Variants in MAP7 observed in about 807,000 individuals in gnomAD.
The protein encoded by MAP7 is microtubule associated protein 7, also known as ensconsin.
Under a neutral mutation model 94.8 loss-of-function variants are expected in MAP7, and 52 were observed. That is an observed-to-expected ratio of 0.55 (90% confidence interval 0.44 to 0.69). The LOEUF (loss-of-function observed/expected upper bound fraction) is 0.69, where lower values mean the gene tolerates loss of function less well. MAP7 is among the 30% of genes least tolerant of loss of function. MAP7 has a pLI of 0.00. For synonymous variants in MAP7, 350 were observed against 357.0 expected, an observed-to-expected ratio of 0.98 and a Z score of 0.22; for missense variants, 940 against 964.6, an observed-to-expected ratio of 0.97 and a Z score of 0.34.
intron 9 of MAP7, 43 bp from the exon 10 acceptor site, chr6:136,366,061 G>C (rs1794231610): frequency 1.9e-6 from 3 of 1,575,456 alleles, no homozygotes; most frequent in South Asian, 1.2e-5. Flanking sequence ...GGACACATGA[G>C]AACAGGCTTG....
intron 1 of MAP7, among the ~76,000 whole-genome samples, chr6:136,448,625 GGAT>G (rs1312812450): frequency 6.6e-6 from 1 of 151,896 alleles, no homozygotes; most frequent in African/African-American, 2.4e-5. Flanking sequence ...ATGTTGGGCA[GGAT>G]GGTCTCGATC....
chr6:136,363,772 T>C (rs1292417456), intron 10 of MAP7, among the ~76,000 whole-genome samples: 3 of 152,206 alleles, frequency 2.0e-5, no homozygotes, highest in Non-Finnish European at 4.4e-5. Context: ...ACACAGGCTA[T>C]ACCAGGGGTC....
chr6:136,510,260 G>A (rs1042254591), intron 1 of MAP7, among the ~76,000 whole-genome samples: 2 of 152,122 alleles, frequency 1.3e-5, no homozygotes, highest in African/African-American at 4.8e-5. Context: ...AGCAAATTGG[G>A]CTCAGCTGAT....
At chr6:136,417,443 G>A (rs189597740) in intron 2 of MAP7, among the ~76,000 whole-genome samples, 2 of 152,256 alleles carry the variant, frequency 1.3e-5, no homozygotes, top group African/African-American at 4.8e-5. Context: ...AGTTGACAAG[G>A]CTTTTTCAAG....
At chr6:136,394,717 TC>T (rs1278660719) in intron 3 of MAP7, among the ~76,000 whole-genome samples, 1 of 149,646 alleles carries the variant, frequency 6.7e-6, no homozygotes. Flanking sequence ...CTCTTTAACC[TC>T]CCCCCCACCT....
In MAP7 at chr6:136,411,341, G is replaced by A. The variant is rs147361414; in HGVS notation, c.244+279C>T. Among the ~76,000 whole-genome samples the A allele has an allele frequency of 1.1e-3, 173 of 152,172 alleles. 2 individuals carry two copies. The highest frequency in any genetic ancestry group is 4.0e-3 in the African/African-American group (164 of 41,514). On this transcript the variant is annotated intron_variant, in intron 3 of 17. Coordinates refer to ENST00000354570, the MANE Select transcript of MAP7 (RefSeq NM_003980.6). Reference sequence around the variant, plus strand: ...AAAGAACAATATGTTTACTGTCCTCGCATTTTCTCAGTAGTAAAATGTAAG... The same window carrying A: ...AAAGAACAATATGTTTACTGTCCTCACATTTTCTCAGTAGTAAAATGTAAG...
At chr6:136,517,248 G>A (rs78716785) in intron 1 of MAP7, among the ~76,000 whole-genome samples, 243 of 152,320 alleles carry the variant, frequency 1.6e-3, no homozygotes, top group Non-Finnish European at 2.6e-3. Flanking sequence ...CAAAGATCCA[G>A]TCACATATGC....
chr6:136,550,200 C>T lies in MAP7; in HGVS notation c.67+142G>A, dbSNP rs1830040175. On this transcript the variant is annotated intron_variant, in intron 1 of 17. Transcript: ENST00000354570. The surrounding 1 kb of genome is among the most constrained non-coding windows in gnomAD (Gnocchi z 5.1). ...GGCGCTCTCGGAGCAGGGTGCGCGGCGCGCAGGGCCGGTTGTTCCGGGCCG... is the reference window on the plus strand; with the variant it reads ...GGCGCTCTCGGAGCAGGGTGCGCGGTGCGCAGGGCCGGTTGTTCCGGGCCG... 4 of 532,562 alleles carry T rather than the reference C, an allele frequency of 7.5e-6. No individual in the cohort carries two copies. The highest frequency in any genetic ancestry group is 7.9e-6 in the Non-Finnish European group (3 of 379,030). 33.0% of individuals were successfully genotyped at this position (532,562 alleles called of 1,614,324 possible). A position where few individuals can be genotyped will look rare whatever the true frequency, so the allele number is the denominator to read the frequency against.
At chr6:136,466,059 T>G (rs1031262567) in intron 1 of MAP7, among the ~76,000 whole-genome samples, 1 of 152,148 alleles carries the variant, frequency 6.6e-6, no homozygotes, top group African/African-American at 2.4e-5. Flanking sequence ...TCTATAAAGT[T>G]CCAATGCTTG....
At position 136,538,659 on chromosome 6, in the gene MAP7, C is replaced by T. The variant is rs139289301; in HGVS notation, c.67+11683G>A. 5.4e-4 allele frequency among the ~76,000 whole-genome samples: 82 copies of T among 151,904 alleles called. 2 individuals carry two copies. The East Asian group carries it at 0.011, about 21-fold the overall frequency. On this transcript the variant is annotated intron_variant, in intron 1 of 17. Transcript: ENST00000354570. ...AATTAGCTGGTGCTAGGAATAGTGG[C>T]GTGTACCTGTAGTCCCAGCTACCTC...
intron 1 of MAP7, among the ~76,000 whole-genome samples, chr6:136,510,465 G>A (rs1822929613): frequency 6.6e-6 from 1 of 152,108 alleles, no homozygotes; most frequent in Non-Finnish European, 1.5e-5. Context: ...ACCAGTGAGT[G>A]GGAAGGAGGA....
chr6:136,454,851 A>G (rs1802386785), intron 1 of MAP7, among the ~76,000 whole-genome samples: 1 of 152,010 alleles, frequency 6.6e-6, no homozygotes, highest in South Asian at 2.1e-4. Flanking sequence ...GAGAGCTATG[A>G]TCATGCCACT....
At chr6:136,484,667 C>G (rs967662724) in intron 1 of MAP7, among the ~76,000 whole-genome samples, 1 of 152,128 alleles carries the variant, frequency 6.6e-6, no homozygotes, top group African/African-American at 2.4e-5. Flanking sequence ...ATTGCTTAAA[C>G]TGTGATTAAT....
intron 10 of MAP7, among the ~76,000 whole-genome samples, 185 bp downstream of exon 10, chr6:136,365,550 T>TA (rs968851292): frequency 2.0e-5 from 3 of 152,030 alleles, no homozygotes; most frequent in Admixed American, 1.3e-4. Context: ...CGTTGCTAAG[T>TA]AAAAAACTAT....
chr6:136,489,526 C>CTTTTTTTTTTTT, intron 1 of MAP7, among the ~76,000 whole-genome samples: 1 of 102,988 alleles, frequency 9.7e-6, no homozygotes, highest in Non-Finnish European at 2.0e-5. Context: ...CATCAGGTTT[C>CTTTTTTTTTTTT]TTTTTTTTTT....
At chr6:136,495,393 T>A (rs943076816) in intron 1 of MAP7, among the ~76,000 whole-genome samples, 3 of 152,036 alleles carry the variant, frequency 2.0e-5, no homozygotes, top group Non-Finnish European at 2.9e-5. Context: ...AACTCTAGTC[T>A]TCCAGATTCT....
At chr6:136,533,311 A>G (rs562658959) in intron 1 of MAP7, among the ~76,000 whole-genome samples, 1 of 152,266 alleles carries the variant, frequency 6.6e-6, no homozygotes, top group South Asian at 2.1e-4. Flanking sequence ...GATGAATAAG[A>G]GAGTTTTCCC....
chr6:136,417,255 T>C lies in MAP7; in HGVS notation c.166+4446A>G, dbSNP rs181061792. ...AACTTAGGCTTAATTAAGATTGCAG[T>C]TGCACTCCACATTCAACCTCCTACC... On this transcript the variant is annotated intron_variant, in intron 2 of 17. Transcript: ENST00000354570. Among the ~76,000 whole-genome samples the C allele has an allele frequency of 6.2e-4, 95 of 152,324 alleles. 1 individual carries two copies. Among genetic ancestry groups the C allele is most frequent in the African/African-American group, 2.1e-3 (89 of 41,578 alleles).
chr6:136,467,641 CA>C (rs1807559864), intron 1 of MAP7, among the ~76,000 whole-genome samples: 1 of 152,100 alleles, frequency 6.6e-6, no homozygotes, highest in South Asian at 2.1e-4. Flanking sequence ...ACATGTCTAC[CA>C]CACTTTTGAC....
Sources: gnomAD v4.1 joint callset for allele counts (sites outside exome capture counted in the v4.1 genomes callset) on GRCh38, gnomAD v4.1.1 for gene constraint, Gnocchi (gnomAD v3.1) non-coding constraint, MANE v1.5 for transcripts, NCBI Gene and HGNC (gene_info 2026-07-23, HGNC 2026-07-21) for gene names.